Variants in CTNNAL1 observed in about 807,000 individuals in gnomAD.
The protein encoded by CTNNAL1 is catenin alpha like 1.
A neutral mutation model predicts 93.6 loss-of-function variants in CTNNAL1; 69 were observed. The ratio of observed to expected loss-of-function variants is 0.74; its 90% CI spans 0.61 to 0.90. The LOEUF is 0.90. Among genes scored for constraint, CTNNAL1 ranks in the 40% least tolerant of loss-of-function variants. The pLI is 0.00. For synonymous variants in CTNNAL1, 286 were observed against 305.4 expected, an observed-to-expected ratio of 0.94 and a Z score of 0.66; for missense variants, 836 against 862.0, an observed-to-expected ratio of 0.97 and a Z score of 0.38.
intron 10 of CTNNAL1, among the ~76,000 whole-genome samples, chr9:108,968,667 C>T (rs971035340): frequency 6.6e-6 from 1 of 152,156 alleles, no homozygotes; most frequent in Non-Finnish European, 1.5e-5. Context: ...TCATATAGTT[C>T]CTGCTTTCAT....
intron 15 of CTNNAL1, among the ~76,000 whole-genome samples, chr9:108,947,487 G>A (rs912286157): frequency 3.3e-5 from 5 of 152,198 alleles, no homozygotes; most frequent in Non-Finnish European, 5.9e-5. Context: ...TAAAGTGACA[G>A]AAATTTCAAA....
At chr9:108,962,518 G>A (rs1830844221) in intron 11 of CTNNAL1, among the ~76,000 whole-genome samples, 1 of 152,172 alleles carries the variant, frequency 6.6e-6, no homozygotes, top group South Asian at 2.1e-4. Context: ...CACCATTGGA[G>A]AAGGGATGAG....
chr9:108,967,828 T>C (rs970929026), intron 10 of CTNNAL1, among the ~76,000 whole-genome samples: 2 of 152,224 alleles, frequency 1.3e-5, no homozygotes, highest in Non-Finnish European at 2.9e-5. Flanking sequence ...TGGTAAGGAC[T>C]GGATTTTCTT....
intron 4 of CTNNAL1, among the ~76,000 whole-genome samples, chr9:108,988,861 T>C (rs990792470): frequency 6.6e-6 from 1 of 152,212 alleles, no homozygotes; most frequent in African/African-American, 2.4e-5. Context: ...GAATATTTGC[T>C]GAGAAAACTG....
intron 10 of CTNNAL1, among the ~76,000 whole-genome samples, chr9:108,968,218 A>C (rs1831013078): frequency 6.6e-6 from 1 of 152,260 alleles, no homozygotes; most frequent in African/African-American, 2.4e-5. Flanking sequence ...TAACATTGCC[A>C]AAGCAGAGAT....
intron 4 of CTNNAL1, 79 bp from the exon 5 acceptor site, chr9:108,984,515 C>G (rs1157614903): frequency 1.5e-6 from 1 of 656,480 alleles, no homozygotes; most frequent in Non-Finnish European, 2.6e-6. Context: ...TTATTCAACA[C>G]TAATACTCAA....
intron 4 of CTNNAL1, among the ~76,000 whole-genome samples, chr9:108,988,699 T>G (rs1455711139): frequency 4.6e-5 from 7 of 152,200 alleles, no homozygotes; most frequent in African/African-American, 7.2e-5. Flanking sequence ...TCGTGTTCTT[T>G]GAACACACCA....
intron 15 of CTNNAL1, among the ~76,000 whole-genome samples, chr9:108,944,277 G>A (rs1348088494): frequency 1.3e-5 from 2 of 152,144 alleles, no homozygotes; most frequent in Non-Finnish European, 1.5e-5. Flanking sequence ...ATTCTGGAGG[G>A]TCACACAGAC....
At chr9:108,990,959 G>T (rs1413853500) in intron 3 of CTNNAL1, 114 bp from the exon 4 acceptor site, 47 of 1,247,748 alleles carry the variant, frequency 3.8e-5, no homozygotes, top group Non-Finnish European at 4.9e-5. Flanking sequence ...GAAAGCTGAG[G>T]AGGAGGAGCC....
At chr9:108,978,351 A>C (rs1323036006) in intron 7 of CTNNAL1, among the ~76,000 whole-genome samples, 2 of 152,230 alleles carry the variant, frequency 1.3e-5, no homozygotes, top group Non-Finnish European at 2.9e-5. Context: ...ATTCATATCT[A>C]CTTTCATTCA....
Position 108,955,844 on chromosome 9 carries a change from TA to T in CTNNAL1, c.1592-18del, listed in dbSNP as rs758915412. 6.5e-7 allele frequency: 1 copy of T among 1,538,604 alleles called. No individual in the cohort carries two copies. Among genetic ancestry groups the T allele is most frequent in the Non-Finnish European group, 8.7e-7 (1 of 1,144,268 alleles). On this transcript the variant is annotated intron_variant, in intron 11 of 18. Coordinates refer to ENST00000325551, the MANE Select transcript of CTNNAL1 (RefSeq NM_003798.4). ...ACTTCTCTCCTACAAATAACACATA[TA>T]ACTTAAAAAATTTTTTCTATTAATA...
chr9:108,999,043 T>C, intron 2 of CTNNAL1, 24 bp downstream of exon 2: 1 of 1,581,324 alleles, frequency 6.3e-7, no homozygotes. Flanking sequence ...GTATGAATAG[T>C]CTTCAAAATC....
chr9:108,988,136 C>T (rs1476892382), intron 4 of CTNNAL1, among the ~76,000 whole-genome samples: 2 of 152,004 alleles, frequency 1.3e-5, no homozygotes, highest in East Asian at 3.9e-4. Context: ...CAGGCTGGAG[C>T]GCAGTGGCGT....
rs544622132 is a variant in CTNNAL1, at chr9:108,986,021, C to CT, written c.640-1586dup. ...GTAAGGCTGTCACTACTGCCACTTT[C>CT]TTTTTTTTTTTAATTATTATTATAC... On this transcript the variant is annotated intron_variant, in intron 4 of 18. Coordinates refer to ENST00000325551, the MANE Select transcript of CTNNAL1 (RefSeq NM_003798.4). Among the ~76,000 whole-genome samples, 533 of 146,768 alleles carry CT rather than the reference C, an allele frequency of 3.6e-3. 2 individuals carry two copies. The highest frequency in any genetic ancestry group is 3.6e-3 in the Non-Finnish European group (240 of 66,118).
intron 2 of CTNNAL1, among the ~76,000 whole-genome samples, chr9:108,998,562 G>T (rs1044414080): frequency 5.9e-5 from 9 of 152,016 alleles, no homozygotes; most frequent in African/African-American, 2.2e-4. Flanking sequence ...AGCATTCAGT[G>T]AATATTTATT....
intron 14 of CTNNAL1, chr9:108,950,489 T>G: frequency 1.3e-6 from 2 of 1,547,446 alleles, no homozygotes; most frequent in East Asian, 4.9e-5. Flanking sequence ...TCCTATCATT[T>G]CTGCCTTCTT....
chr9:108,962,661 T>C (rs1486526312), intron 11 of CTNNAL1, among the ~76,000 whole-genome samples: 1 of 152,110 alleles, frequency 6.6e-6, no homozygotes, highest in Non-Finnish European at 1.5e-5. Flanking sequence ...TGCCAGAAAG[T>C]AGGAGAGATT....
rs1359128962 is a variant in CTNNAL1, at chr9:108,986,164, C to T, written c.640-1728G>A. The stretch of plus-strand genomic sequence containing the variant: ...TTAGCATTAGGTATATCTCCTAATG[C>T]TATCCCTCCCCCCTCCCCGCACCCC... On this transcript the variant is annotated intron_variant, in intron 4 of 18. Coordinates refer to ENST00000325551, the MANE Select transcript of CTNNAL1 (RefSeq NM_003798.4). 6.8e-4 allele frequency among the ~76,000 whole-genome samples: 102 copies of T among 150,056 alleles called. 2 individuals carry two copies. The East Asian group carries it at 0.018, about 26-fold the overall frequency.
intron 1 of CTNNAL1, among the ~76,000 whole-genome samples, chr9:109,010,559 C>T (rs1827176000): frequency 6.6e-6 from 1 of 152,128 alleles, no homozygotes; most frequent in South Asian, 2.1e-4. Context: ...GACACTTTTT[C>T]CTAACACTAG....
Sources: gnomAD v4.1 joint callset for allele counts (sites outside exome capture counted in the v4.1 genomes callset) on GRCh38, gnomAD v4.1.1 for gene constraint, MANE v1.5 for transcripts, NCBI Gene and HGNC (gene_info 2026-07-23, HGNC 2026-07-21) for gene names.